Variants in LDLRAD4 observed in about 807,000 individuals in gnomAD.
LDLRAD4 encodes low density lipoprotein receptor class A domain containing 4.
In LDLRAD4, 5 loss-of-function variants were observed where a neutral mutation model predicts 17.0. The observed-to-expected ratio is 0.29, with a 90% CI of 0.15 to 0.62. LDLRAD4 has a LOEUF of 0.62. Ranked by LOEUF, LDLRAD4 falls within the 20% of genes least tolerant of loss-of-function variation. The pLI is 0.84. For missense variants in LDLRAD4, 340 were observed against 424.7 expected (o/e 0.80, Z 1.75); for synonymous variants, 168 against 171.8 (o/e 0.98, Z 0.17).
At chr18:13,453,315 T>C (rs2091947965) in intron 3 of LDLRAD4, among the ~76,000 whole-genome samples, 1 of 152,186 alleles carries the variant, frequency 6.6e-6, no homozygotes, top group Non-Finnish European at 1.5e-5. Context: ...AGCAGGACCC[T>C]TCATGATGTT....
At chr18:13,286,024 C>A (rs574220952) in intron 1 of LDLRAD4, among the ~76,000 whole-genome samples, 1 of 152,182 alleles carries the variant, frequency 6.6e-6, no homozygotes, top group African/African-American at 2.4e-5. Flanking sequence ...ACCATCACCA[C>A]CATCCATTTC....
intron 1 of LDLRAD4, among the ~76,000 whole-genome samples, chr18:13,233,771 G>T (rs1444248196): frequency 6.6e-6 from 1 of 151,948 alleles, no homozygotes; most frequent in Non-Finnish European, 1.5e-5. Context: ...AGAGGACCTC[G>T]GCCCAGAACT....
intron 1 of LDLRAD4, among the ~76,000 whole-genome samples, chr18:13,374,787 TG>T (rs2084779779): frequency 6.6e-6 from 1 of 152,222 alleles, no homozygotes; most frequent in African/African-American, 2.4e-5. Context: ...GGTGTGTGTC[TG>T]GAAGTCTGCA....
intron 3 of LDLRAD4, among the ~76,000 whole-genome samples, chr18:13,451,795 G>A (rs1376611764): frequency 1.3e-5 from 2 of 152,168 alleles, no homozygotes; most frequent in African/African-American, 2.4e-5. Context: ...TTTCCCATGG[G>A]CATGAATCCC....
chr18:13,473,478 A>G (rs934319749), intron 3 of LDLRAD4, among the ~76,000 whole-genome samples: 9 of 151,610 alleles, frequency 5.9e-5, no homozygotes, highest in Non-Finnish European at 1.3e-4. Flanking sequence ...GAGTCTCTAC[A>G]AAAAGTAAAA....
intron 3 of LDLRAD4, among the ~76,000 whole-genome samples, chr18:13,531,542 A>C (rs1190478170): frequency 6.9e-6 from 1 of 144,386 alleles, no homozygotes; most frequent in Non-Finnish European, 1.5e-5. Context: ...GTGAGATATG[A>C]CCGCACCACT....
intron 3 of LDLRAD4, among the ~76,000 whole-genome samples, chr18:13,530,076 C>T (rs1039249944): frequency 6.6e-6 from 1 of 152,132 alleles, no homozygotes; most frequent in Non-Finnish European, 1.5e-5. Context: ...AAAAACACTG[C>T]CCGATCATAA....
chr18:13,576,037 C>G (rs1216119595), intron 3 of LDLRAD4, among the ~76,000 whole-genome samples: 1 of 152,154 alleles, frequency 6.6e-6, no homozygotes, highest in Admixed American at 6.5e-5. Context: ...TCTGTTTACT[C>G]TGCTGACTGT....
At chr18:13,516,612 G>T (rs1178985830) in intron 3 of LDLRAD4, among the ~76,000 whole-genome samples, 4 of 152,226 alleles carry the variant, frequency 2.6e-5, no homozygotes, top group Admixed American at 6.5e-5. Context: ...ACTTCAAGTG[G>T]ACACTATTTT....
At chr18:13,378,953 C>G (rs538275422) in intron 1 of LDLRAD4, among the ~76,000 whole-genome samples, 1 of 152,330 alleles carries the variant, frequency 6.6e-6, no homozygotes, top group African/African-American at 2.4e-5. Flanking sequence ...GCGATTTCAT[C>G]GGCCATCTGC....
intron 1 of LDLRAD4, among the ~76,000 whole-genome samples, chr18:13,339,554 A>G (rs2082268896): frequency 6.6e-6 from 1 of 152,230 alleles, no homozygotes; most frequent in Non-Finnish European, 1.5e-5. Flanking sequence ...AAAAGTTAGC[A>G]TAAAAACGTA....
At chr18:13,225,286 C>T (rs954376213) in intron 1 of LDLRAD4, among the ~76,000 whole-genome samples, 3 of 152,204 alleles carry the variant, frequency 2.0e-5, no homozygotes, top group Non-Finnish European at 4.4e-5. Flanking sequence ...ATATCATGGG[C>T]CTAGCAGGAC....
chr18:13,350,316 TC>T (rs1568037216), intron 1 of LDLRAD4, among the ~76,000 whole-genome samples: 3 of 152,186 alleles, frequency 2.0e-5, no homozygotes, highest in South Asian at 4.1e-4. Context: ...TTTTAATAAT[TC>T]CCATTCTGAC....
At chr18:13,520,549 G>A (rs2093937429) in intron 3 of LDLRAD4, 1 of 152,192 alleles carries the variant, frequency 6.6e-6, no homozygotes, top group Non-Finnish European at 1.5e-5. Context: ...GACTCAGAGG[G>A]AACAACTTAA....
At chr18:13,373,890 A>G (rs1447974828) in intron 1 of LDLRAD4, among the ~76,000 whole-genome samples, 1 of 152,188 alleles carries the variant, frequency 6.6e-6, no homozygotes, top group Non-Finnish European at 1.5e-5. Flanking sequence ...GAGTTTTCCA[A>G]AATTCTCTCA....
rs967899962 is a variant in LDLRAD4, at chr18:13,432,823, C to T, written c.41-5421C>T. On this transcript the variant is annotated intron_variant, in intron 2 of 5. Transcript: ENST00000359446. ...CCTCAAACTCCTAGGCTCAAGCCAT[C>T]CTCTCACCTCAGCCTCCCAAGTAGC... is the stretch of plus-strand genomic sequence containing the variant. 5.3e-5 allele frequency among the ~76,000 whole-genome samples: 8 copies of T among 152,194 alleles called. 1 individual carries two copies. The highest frequency in any genetic ancestry group is 5.2e-4 in the Admixed American group (8 of 15,292).
chr18:13,561,446 A>G lies in LDLRAD4; in HGVS notation c.182-59671A>G, dbSNP rs147824272. The stretch of plus-strand genomic sequence containing the variant: ...AAATTTTTGAGCACCATTTTTATAT[A>G]GGAGTAAATGAGATAATTAAGAGAT... On this transcript the variant is annotated intron_variant, in intron 3 of 5. Coordinates refer to ENST00000359446, the Ensembl canonical transcript of LDLRAD4. The G allele has an allele frequency of 1.6e-3, 243 of 152,354 alleles. 1 individual carries two copies. Among genetic ancestry groups the G allele is most frequent in the African/African-American group, 5.4e-3 (225 of 41,582 alleles). The allele number at this position is 152,354 out of a possible 1,614,324, so 9.4% of individuals were successfully genotyped here.
rs75225118 is a variant in LDLRAD4 at position 13,353,103 on chromosome 18, T to A, written c.-382-34238T>A. 6.3e-3 allele frequency among the ~76,000 whole-genome samples: 956 copies of A among 152,366 alleles called. 14 individuals carry two copies. Among genetic ancestry groups the A allele is most frequent in the African/African-American group, 0.022 (911 of 41,588 alleles). On this transcript the variant is annotated intron_variant, in intron 1 of 5. Coordinates refer to ENST00000359446, the Ensembl canonical transcript of LDLRAD4. ...CTTTGTCTAGTATATCCAGTGCCTATGTTTCTTCAGGGATAGTTTCCACTG... is the reference window on the plus strand; with the variant it reads ...CTTTGTCTAGTATATCCAGTGCCTAAGTTTCTTCAGGGATAGTTTCCACTG...
intron 3 of LDLRAD4, chr18:13,488,998 G>A (rs900368935): frequency 1.3e-4 from 20 of 152,138 alleles, no homozygotes; most frequent in African/African-American, 2.9e-4. Flanking sequence ...GTACACTCTT[G>A]CAAAAAGAAA....
Sources: allele counts gnomAD v4.1 joint callset (sites outside exome capture counted in the v4.1 genomes callset), GRCh38; gene constraint gnomAD v4.1.1; transcripts MANE v1.5; gene names NCBI Gene and HGNC (gene_info 2026-07-23, HGNC 2026-07-21).